Variants in TLL1 observed in about 807,000 individuals in gnomAD.
TLL1 encodes the protein tolloid like 1.
Under a neutral mutation model 128.2 loss-of-function variants are expected in TLL1, and 49 were observed. The observed-to-expected ratio is 0.38, with a 90% CI of 0.30 to 0.48. TLL1 has a LOEUF of 0.48. Among genes scored for constraint, TLL1 ranks in the 20% least tolerant of loss-of-function variants. TLL1 has a pLI of 0.96. For missense variants in TLL1, 1,123 were observed against 1,242.0 expected (o/e 0.90, Z 1.44); for synonymous variants, 454 against 418.8 (o/e 1.08, Z -1.03).
intron 18 of TLL1, among the ~76,000 whole-genome samples, chr4:166,083,092 C>G (rs1456337271): frequency 1.3e-5 from 2 of 152,098 alleles, no homozygotes; most frequent in Admixed American, 1.3e-4. Flanking sequence ...TACTTGGTTA[C>G]CAACTGGCTT....
intron 1 of TLL1, among the ~76,000 whole-genome samples, chr4:165,911,968 C>T (rs536143236): frequency 2.0e-5 from 3 of 152,170 alleles, no homozygotes; most frequent in East Asian, 1.9e-4. Context: ...CTCTGCCTCC[C>T]GGGTTCACGC....
intron 8 of TLL1, among the ~76,000 whole-genome samples, chr4:166,021,473 A>T (rs1227537504): frequency 3.0e-5 from 4 of 135,050 alleles, no homozygotes; most frequent in Non-Finnish European, 3.1e-5. Flanking sequence ...TCACTCTGTC[A>T]CCAGGCTGGA....
chr4:165,923,038 C>A (rs1174519394), intron 1 of TLL1, among the ~76,000 whole-genome samples: 4 of 152,152 alleles, frequency 2.6e-5, no homozygotes, highest in Non-Finnish European at 5.9e-5. Flanking sequence ...AAAAGTGCCC[C>A]TTCTGAGCCA....
At chr4:165,898,773 C>T (rs1033812443) in intron 1 of TLL1, among the ~76,000 whole-genome samples, 2 of 152,112 alleles carry the variant, frequency 1.3e-5, no homozygotes, top group Non-Finnish European at 2.9e-5. Context: ...CCCTCCTTTT[C>T]TATTGTTTGG....
chr4:166,074,740 G>T, intron 16 of TLL1, 138 bp from the exon 17 acceptor site: 3 of 1,032,842 alleles, frequency 2.9e-6, no homozygotes, highest in Admixed American at 2.0e-5. Flanking sequence ...ATACATTTTT[G>T]TTTGTTTTAT....
At chr4:165,943,897 C>T (rs138898394) in intron 1 of TLL1, among the ~76,000 whole-genome samples, 23 of 152,186 alleles carry the variant, frequency 1.5e-4, no homozygotes, top group South Asian at 6.2e-4. Context: ...TTTCCTATTC[C>T]GCTTTCCTTT....
chr4:165,932,875 G>A (rs1733593235), intron 1 of TLL1, among the ~76,000 whole-genome samples: 1 of 151,942 alleles, frequency 6.6e-6, no homozygotes, highest in Admixed American at 6.6e-5. Context: ...TTCAATGTAT[G>A]GAAAAGAGCT....
intron 12 of TLL1, among the ~76,000 whole-genome samples, chr4:166,053,660 C>T (rs1739862584): frequency 6.6e-6 from 1 of 152,074 alleles, no homozygotes; most frequent in South Asian, 2.1e-4. Context: ...ATTTTTCTAC[C>T]AACTATACTG....
chr4:165,938,120 A>G (rs1224770097), intron 1 of TLL1, among the ~76,000 whole-genome samples: 1 of 151,994 alleles, frequency 6.6e-6, no homozygotes, highest in Non-Finnish European at 1.5e-5. Context: ...TTTAGAAAAA[A>G]GCTTTTTGAA....
At chr4:165,902,390 A>C (rs1187995384) in intron 1 of TLL1, among the ~76,000 whole-genome samples, 1 of 152,210 alleles carries the variant, frequency 6.6e-6, no homozygotes, top group Non-Finnish European at 1.5e-5. Flanking sequence ...TTGTGCTTGA[A>C]ACCCAGGGCC....
At chr4:165,927,709 T>A (rs1733341183) in intron 1 of TLL1, among the ~76,000 whole-genome samples, 1 of 152,136 alleles carries the variant, frequency 6.6e-6, no homozygotes, top group Non-Finnish European at 1.5e-5. Flanking sequence ...TGGAGACATT[T>A]TTGATTGTCA....
intron 1 of TLL1, among the ~76,000 whole-genome samples, chr4:165,948,317 A>G (rs1473417668): frequency 6.6e-6 from 1 of 152,090 alleles, no homozygotes; most frequent in African/African-American, 2.4e-5. Context: ...GTTATACCCA[A>G]TGGATTATTC....
chr4:165,960,393 T>C (rs1241810996), intron 1 of TLL1, among the ~76,000 whole-genome samples: 1 of 151,912 alleles, frequency 6.6e-6, no homozygotes. Context: ...GATGTACAAA[T>C]AACTGGTACC....
chr4:165,928,886 A>T (rs919123075), intron 1 of TLL1, among the ~76,000 whole-genome samples: 4 of 152,164 alleles, frequency 2.6e-5, no homozygotes, highest in African/African-American at 4.8e-5. Context: ...CCAATTTTTT[A>T]AAAAGTGTCT....
chr4:166,009,066 A>G (rs1014121298), intron 7 of TLL1, among the ~76,000 whole-genome samples: 5 of 151,514 alleles, frequency 3.3e-5, no homozygotes, highest in African/African-American at 1.2e-4. Context: ...AAAGTACATT[A>G]TTTATAGACA....
intron 5 of TLL1, among the ~76,000 whole-genome samples, chr4:165,999,552 C>T (rs1737051118): frequency 6.6e-6 from 1 of 152,004 alleles, no homozygotes; most frequent in African/African-American, 2.4e-5. Context: ...CTCGGTCCCT[C>T]GACATGTGGG....
intron 19 of TLL1, 116 bp from the exon 20 acceptor site, chr4:166,099,161 G>A: frequency 6.7e-7 from 1 of 1,496,546 alleles, no homozygotes; most frequent in Non-Finnish European, 9.3e-7. Flanking sequence ...ATCTGACGCT[G>A]GAAGTAGAAA....
intron 1 of TLL1, among the ~76,000 whole-genome samples, chr4:165,984,295 G>T (rs1036570620): frequency 1.3e-5 from 2 of 151,874 alleles, no homozygotes; most frequent in Non-Finnish European, 1.5e-5. Flanking sequence ...AACTTTGTGT[G>T]TCATGTTGGG....
At position 166,021,719 on chromosome 4, in the gene TLL1, C is replaced by T. The variant is rs191571808; in HGVS notation, c.1043-3597C>T. 1.7e-4 allele frequency among the ~76,000 whole-genome samples: 26 copies of T among 152,314 alleles called. No homozygotes were observed. The East Asian group carries it at 4.3e-3, about 25-fold the overall frequency. ...CTGCTGGGATTACAGGCGTAAGCCACCGCGCCTGGCCTATTTTTGCCCTCT... is the reference window on the plus strand; with the variant it reads ...CTGCTGGGATTACAGGCGTAAGCCATCGCGCCTGGCCTATTTTTGCCCTCT... On this transcript the variant is annotated intron_variant, in intron 8 of 20. Transcript: ENST00000061240.
Sources: allele counts gnomAD v4.1 joint callset (sites outside exome capture counted in the v4.1 genomes callset), GRCh38; gene constraint gnomAD v4.1.1; transcripts MANE v1.5; gene names NCBI Gene and HGNC (gene_info 2026-07-23, HGNC 2026-07-21).